Variants in RIMOC1 observed in about 807,000 individuals in gnomAD.
RIMOC1 encodes the protein RAB7A-interacting MON1-CCZ1 complex subunit 1.
the RIMOC1 span, chr5:41,918,045 T>G: frequency 1.0e-6 from 1 of 985,346 alleles, no homozygotes; most frequent in South Asian, 4.7e-5. Context: ...CATACTGAAA[T>G]TTTAATGTTT....
At chr5:41,917,082 A>G in the RIMOC1 span, 1 of 1,613,664 alleles carries the variant, frequency 6.2e-7, no homozygotes, top group Non-Finnish European at 8.5e-7. Context: ...TGGGGATCGA[A>G]GTATTGTGCT....
chr5:41,918,091 A>C, the RIMOC1 span: 1 of 985,764 alleles, frequency 1.0e-6, no homozygotes, highest in South Asian at 4.7e-5. Flanking sequence ...GTTAAAGGCC[A>C]GAGAGCCTAA....
At chr5:41,912,218 T>A in the RIMOC1 span, 1 of 1,222,198 alleles carries the variant, frequency 8.2e-7, no homozygotes, top group Admixed American at 2.1e-5. Flanking sequence ...TCTAAGTGTT[T>A]TAAAGCTTCT....
chr5:41,918,571 C>T, the RIMOC1 span: 2 of 985,350 alleles, frequency 2.0e-6, no homozygotes. Flanking sequence ...TATTATCTAC[C>T]TTTTCGGGGA....
chr5:41,917,259 C>T, the RIMOC1 span: 2 of 1,611,566 alleles, frequency 1.2e-6, no homozygotes, highest in East Asian at 4.5e-5. Context: ...ACAACGAATG[C>T]AAAACAAATT....
At chr5:41,912,358 A>C in the RIMOC1 span, among the ~76,000 whole-genome samples, 9 of 152,244 alleles carry the variant, frequency 5.9e-5, no homozygotes, top group Admixed American at 2.6e-4. Flanking sequence ...GATGTAATAC[A>C]GAAAAATATT....
chr5:41,916,601 C>G, the RIMOC1 span, among the ~76,000 whole-genome samples: 1 of 151,902 alleles, frequency 6.6e-6, no homozygotes, highest in South Asian at 2.1e-4. Context: ...TAGAGCATAC[C>G]CCAAAATAAA....
At chr5:41,919,743 G>GGA in the RIMOC1 span, 1 of 152,130 alleles carries the variant, frequency 6.6e-6, no homozygotes, top group Non-Finnish European at 1.5e-5. Flanking sequence ...TTAGGACTCA[G>GGA]CTTCAGTGAT....
the RIMOC1 span, among the ~76,000 whole-genome samples, chr5:41,907,424 A>G: frequency 6.6e-6 from 1 of 151,726 alleles, no homozygotes; most frequent in Non-Finnish European, 1.5e-5. Flanking sequence ...TTGTTTAATT[A>G]TTTTGAGTGC....
At chr5:41,918,875 T>G in the RIMOC1 span, 2 of 474,306 alleles carry the variant, frequency 4.2e-6, no homozygotes, top group African/African-American at 4.2e-5. Context: ...GCCTGCTTCC[T>G]ATCAAAGGCG....
At chr5:41,917,957 A>G in the RIMOC1 span, 3 of 967,734 alleles carry the variant, frequency 3.1e-6, no homozygotes, top group Non-Finnish European at 3.7e-6. Flanking sequence ...TGGCTTTTCA[A>G]GTGAGTAATG....
the RIMOC1 span, chr5:41,917,818 C>A: frequency 1.2e-6 from 1 of 844,106 alleles, no homozygotes; most frequent in Non-Finnish European, 1.4e-6. Flanking sequence ...AATGAAAGAT[C>A]TCACAAAGGA....
At chr5:41,915,143 C>T in the RIMOC1 span, among the ~76,000 whole-genome samples, 35 of 152,312 alleles carry the variant, frequency 2.3e-4, 1 homozygote, top group African/African-American at 8.4e-4. Flanking sequence ...ACCTCTGAGT[C>T]TCATTCTTCT....
chr5:41,904,407 G>C, the RIMOC1 span: 8 of 1,613,990 alleles, frequency 5.0e-6, no homozygotes, highest in Non-Finnish European at 5.9e-6. Context: ...ACGAGTGGAA[G>C]AGCTCGGGGA....
chr5:41,912,212 A>C, the RIMOC1 span: 2 of 1,291,758 alleles, frequency 1.5e-6, no homozygotes, highest in Non-Finnish European at 2.2e-6. Flanking sequence ...AAATTTTCTA[A>C]GTGTTTTAAA....
the RIMOC1 span, chr5:41,917,602 T>A: frequency 1.6e-4 from 166 of 1,015,926 alleles, no homozygotes; most frequent in African/African-American, 1.3e-3. Context: ...TCTATTACTT[T>A]TTTTTTTTAT....
the RIMOC1 span, among the ~76,000 whole-genome samples, chr5:41,916,740 C>G: frequency 2.6e-5 from 4 of 151,860 alleles, no homozygotes; most frequent in African/African-American, 9.7e-5. Context: ...TAGAGTGGAC[C>G]CCAAAAAGGT....
At chr5:41,918,961 A>G in the RIMOC1 span, 1 of 155,936 alleles carries the variant, frequency 6.4e-6, no homozygotes, top group Non-Finnish European at 1.4e-5. Context: ...CTTTCTGCCT[A>G]CCTTTTAGGT....
At chr5:41,907,814 C>T in the RIMOC1 span, 1 of 1,607,612 alleles carries the variant, frequency 6.2e-7, no homozygotes, top group African/African-American at 1.3e-5. Context: ...TGTTCAAATC[C>T]ATCAAATCTT....
Sources: allele counts gnomAD v4.1 joint callset (sites outside exome capture counted in the v4.1 genomes callset), GRCh38; gene constraint gnomAD v4.1.1; transcripts MANE v1.5; gene names NCBI Gene and HGNC (gene_info 2026-07-23, HGNC 2026-07-21).